NEXMIF: variants seen among roughly 807,000 people sequenced by gnomAD.
NEXMIF encodes the protein XLMR protein related to neurite extension.
A neutral mutation model predicts 62.1 loss-of-function variants in NEXMIF; 8 were observed. The ratio of observed to expected loss-of-function variants is 0.13; its 90% CI spans 0.08 to 0.23. The LOEUF (loss-of-function observed/expected upper bound fraction) is 0.23, where lower values mean the gene tolerates loss of function less well. Ranked by LOEUF, NEXMIF falls within the 10% of genes least tolerant of loss-of-function variation. The pLI is 1.00. For missense variants in NEXMIF, 976 were observed against 1,113.3 expected, an observed-to-expected ratio of 0.88 and a Z score of 1.75; for synonymous variants, 404 against 416.6, an observed-to-expected ratio of 0.97 and a Z score of 0.37.
chrX:74,820,180 C>T (rs1405369213), intron 1 of NEXMIF, among the ~76,000 whole-genome samples: 1 of 109,708 alleles, frequency 9.1e-6, no homozygotes, highest in Non-Finnish European at 1.9e-5. Flanking sequence ...CACACTGGGG[C>T]CTGTTGGGGG....
At chrX:74,920,471 T>C (rs1416731852) in intron 1 of NEXMIF, among the ~76,000 whole-genome samples, 1 of 110,811 alleles carries the variant, frequency 9.0e-6, no homozygotes, top group Non-Finnish European at 1.9e-5. Flanking sequence ...TTTGATGGGG[T>C]TGTTTGTTTT....
intron 1 of NEXMIF, among the ~76,000 whole-genome samples, chrX:74,906,975 C>T (rs2080771122): frequency 9.0e-6 from 1 of 111,247 alleles, no homozygotes; most frequent in Admixed American, 9.6e-5. Context: ...TTTCCCCAGC[C>T]CTAATCTACA....
intron 1 of NEXMIF, among the ~76,000 whole-genome samples, chrX:74,759,320 T>G (rs2080168960): frequency 8.9e-6 from 1 of 112,546 alleles, no homozygotes; most frequent in Non-Finnish European, 1.9e-5. Context: ...GTAAAAATTT[T>G]CTCCCATTCT....
At chrX:74,889,494 T>C (rs1406999009) in intron 1 of NEXMIF, among the ~76,000 whole-genome samples, 2 of 111,905 alleles carry the variant, frequency 1.8e-5, no homozygotes, top group Non-Finnish European at 3.8e-5. Flanking sequence ...AAAATCAGAT[T>C]GAGAAATGTA....
At chrX:74,875,603 G>A (rs2080627900) in intron 1 of NEXMIF, among the ~76,000 whole-genome samples, 1 of 111,563 alleles carries the variant, frequency 9.0e-6, no homozygotes. Flanking sequence ...GGTAGAGTTC[G>A]GCTGTGAATC....
intron 1 of NEXMIF, among the ~76,000 whole-genome samples, chrX:74,910,079 A>G (rs1419465526): frequency 8.9e-6 from 1 of 112,597 alleles, no homozygotes; most frequent in Admixed American, 9.4e-5. Flanking sequence ...GCCCCCACAC[A>G]GAGTCCCTAC....
intron 1 of NEXMIF, among the ~76,000 whole-genome samples, chrX:74,830,958 C>T (rs2080434540): frequency 9.1e-6 from 1 of 110,213 alleles, no homozygotes; most frequent in African/African-American, 3.3e-5. Context: ...TTGGTGGCAT[C>T]GTTGTTTTTT....
At chrX:74,873,754 AT>A (rs1439442720) in intron 1 of NEXMIF, among the ~76,000 whole-genome samples, 2 of 111,463 alleles carry the variant, frequency 1.8e-5, no homozygotes, top group Non-Finnish European at 3.8e-5. Context: ...GATGATGAGC[AT>A]TTTTTCATGT....
intron 1 of NEXMIF, among the ~76,000 whole-genome samples, chrX:74,805,330 C>T (rs1015632585): frequency 3.6e-5 from 4 of 111,383 alleles, no homozygotes; most frequent in Non-Finnish European, 7.5e-5. Flanking sequence ...TATCTTGCTC[C>T]ACCCCTCCCT....
At chrX:74,897,218 C>T (rs1390810810) in intron 1 of NEXMIF, among the ~76,000 whole-genome samples, 2 of 111,519 alleles carry the variant, frequency 1.8e-5, no homozygotes, top group Admixed American at 9.5e-5. Context: ...CAAGAGAACC[C>T]AGTCTGTCTA....
chrX:74,788,952 TTTTA>T (rs770694672), intron 1 of NEXMIF, among the ~76,000 whole-genome samples: 21 of 110,803 alleles, frequency 1.9e-4, no homozygotes, highest in African/African-American at 3.6e-4. Context: ...ATTGATATTC[TTTTA>T]TTTATTTATT....
intron 1 of NEXMIF, among the ~76,000 whole-genome samples, chrX:74,775,863 A>G (rs150692924): frequency 1.4e-3 from 152 of 111,455 alleles, no homozygotes; most frequent in Admixed American, 9.4e-3. Context: ...TCATTGCTAA[A>G]TTACTGTGAA....
chrX:74,753,966 ATTTTT>A (rs1293621950), intron 1 of NEXMIF, among the ~76,000 whole-genome samples: 3 of 111,917 alleles, frequency 2.7e-5, no homozygotes, highest in Non-Finnish European at 5.6e-5. Context: ...AAGTTTCTTT[ATTTTT>A]TATTTTTTGA....
Position 74,735,329 on chromosome X carries a change from A to T in NEXMIF, c.*4076T>A, listed in dbSNP as rs1032719738. ...CAATTCTTGGAACTGTTCTGAGAGCATCTGTAAGCTGAAGACATGTTGGAT... is the reference window on the plus strand; with the variant it reads ...CAATTCTTGGAACTGTTCTGAGAGCTTCTGTAAGCTGAAGACATGTTGGAT... On this transcript the variant is annotated 3_prime_UTR_variant, in exon 4 of 4. Coordinates refer to ENST00000055682, the MANE Select transcript of NEXMIF (RefSeq NM_001008537.3). 4 of 111,917 alleles carry T rather than the reference A, an allele frequency of 3.6e-5. No individual in the cohort carries two copies. Among genetic ancestry groups the T allele is most frequent in the African/African-American group, 1.3e-4 (4 of 30,779 alleles). 9.2% of individuals were successfully genotyped at this position (111,917 alleles called of 1,213,427 possible). A position where few individuals can be genotyped will look rare whatever the true frequency, so the allele number is the denominator to read the frequency against.
chrX:74,854,626 G>A (rs890887095), intron 1 of NEXMIF, among the ~76,000 whole-genome samples: 1 of 111,557 alleles, frequency 9.0e-6, no homozygotes, highest in Non-Finnish European at 1.9e-5. Flanking sequence ...TGGAAAAGAG[G>A]AAGTCAAACT....
At chrX:74,852,957 A>T (rs1033508917) in intron 1 of NEXMIF, among the ~76,000 whole-genome samples, 1 of 111,708 alleles carries the variant, frequency 9.0e-6, no homozygotes, top group Non-Finnish European at 1.9e-5. Flanking sequence ...TCAGAGCAGA[A>T]CTAAATTAAA....
intron 1 of NEXMIF, among the ~76,000 whole-genome samples, chrX:74,918,393 G>C (rs1206094529): frequency 1.8e-5 from 2 of 111,697 alleles, no homozygotes; most frequent in Non-Finnish European, 3.8e-5. Context: ...AGTAACTAAA[G>C]ACAAAGCATG....
chrX:74,766,656 T>C (rs1427819447), intron 1 of NEXMIF, among the ~76,000 whole-genome samples: 1 of 112,306 alleles, frequency 8.9e-6, no homozygotes, highest in Non-Finnish European at 1.9e-5. Context: ...CTTAGTTTCC[T>C]TGAATTGGGC....
chrX:74,903,719 A>G (rs1280767795), intron 1 of NEXMIF, among the ~76,000 whole-genome samples: 1 of 111,765 alleles, frequency 8.9e-6, no homozygotes, highest in Non-Finnish European at 1.9e-5. Context: ...ACTTTGAGCG[A>G]GCAGGTTAAT....
Sources: gnomAD v4.1 joint callset for allele counts (sites outside exome capture counted in the v4.1 genomes callset) on GRCh38, gnomAD v4.1.1 for gene constraint, MANE v1.5 for transcripts, NCBI Gene and HGNC (gene_info 2026-07-23, HGNC 2026-07-21) for gene names.